ZNF680: variants seen among roughly 807,000 people sequenced by gnomAD.
ZNF680 encodes the protein zinc finger protein 680, also known as hypothetical protein FLJ90430.
ZNF680 carries 6 observed loss-of-function variants against 12.1 expected under a neutral mutation model. The ratio of observed to expected loss-of-function variants is 0.49; its 90% CI spans 0.27 to 0.98. The LOEUF (loss-of-function observed/expected upper bound fraction) is 0.98, where lower values mean the gene tolerates loss of function less well. Ranked by LOEUF, ZNF680 falls within the 50% of genes least tolerant of loss-of-function variation. The probability of loss-of-function intolerance (pLI) is 0.12; values close to 1 mark genes in which losing one functional copy is unlikely to be tolerated. For missense variants in ZNF680, 561 were observed against 616.3 expected (o/e 0.91, Z 0.95); for synonymous variants, 170 against 199.3 (o/e 0.85, Z 1.24).
chr7:64,507,136 T>C, the ZNF680 span, among the ~76,000 whole-genome samples: 1 of 152,184 alleles, frequency 6.6e-6, no homozygotes, highest in African/African-American at 2.4e-5. Context: ...ATCCCATTAT[T>C]TGAAACAAGA....
At chr7:64,552,660 T>G (rs558295460) in intron 1 of ZNF680, among the ~76,000 whole-genome samples, 2 of 152,370 alleles carry the variant, frequency 1.3e-5, no homozygotes, top group South Asian at 4.1e-4. Flanking sequence ...ATAATTTTAA[T>G]GTACTCGTCA....
At chr7:64,508,078 C>T in the ZNF680 span, among the ~76,000 whole-genome samples, 1 of 143,418 alleles carries the variant, frequency 7.0e-6, no homozygotes, top group Non-Finnish European at 1.5e-5. Flanking sequence ...ATTTCCTTCA[C>T]TTGTTAGAGA....
intron 1 of ZNF680, chr7:64,551,755 A>T (rs1427511052): frequency 3.2e-5 from 5 of 153,944 alleles, no homozygotes; most frequent in African/African-American, 1.2e-4. Flanking sequence ...AGCATTGGAG[A>T]GAAAAACAGC....
At chr7:64,541,703 T>C (rs1786511118) in intron 3 of ZNF680, among the ~76,000 whole-genome samples, 1 of 152,126 alleles carries the variant, frequency 6.6e-6, no homozygotes, top group Non-Finnish European at 1.5e-5. Context: ...CCACCAAATT[T>C]GGTCCCACTG....
In ZNF680 at chr7:64,534,388, A is replaced by G. The variant is rs187419041; in HGVS notation, c.253+9319T>C. 7.5e-4 allele frequency among the ~76,000 whole-genome samples: 114 copies of G among 152,306 alleles called. 2 individuals carry two copies. The East Asian group carries it at 0.02, about 27-fold the overall frequency. On this transcript the variant is annotated intron_variant, in intron 3 of 3. Transcript: ENST00000309683. ...ACATTTCTCAAAAGAAGATATACAA[A>G]TGGCCAACAAAAATATGAAAAAATG... is the stretch of plus-strand genomic sequence containing the variant.
the ZNF680 span, among the ~76,000 whole-genome samples, chr7:64,502,001 T>TC: frequency 2.0e-5 from 2 of 99,366 alleles, no homozygotes; most frequent in Non-Finnish European, 4.1e-5. Context: ...GTATTTCTTT[T>TC]TTTTTTTTTT....
intron 1 of ZNF680, among the ~76,000 whole-genome samples, chr7:64,554,111 C>G (rs2116538227): frequency 6.6e-6 from 1 of 151,716 alleles, no homozygotes; most frequent in African/African-American, 2.4e-5. Flanking sequence ...AGCGCCTCTT[C>G]CCGGCCGTCA....
Position 64,562,932 on chromosome 7 carries a change from A to G in ZNF680, c.23T>C (p.Leu8Pro), listed in dbSNP as rs1787826985. The G allele has an allele frequency of 6.2e-7, 1 of 1,613,650 alleles. No homozygotes were observed. Among genetic ancestry groups the G allele is most frequent in the African/African-American group, 1.3e-5 (1 of 74,980 alleles). The change falls in exon 1 of 4, where the codon CTA becomes CCA. Residue 8 changes from leucine to proline, a missense_variant. Transcript: ENST00000309683. MPGPPGS[L>P]EMGPLTFRDV... ...GTCGGACCGCACTCTCACCATTTCT[A>G]GGCTTCCAGGTGGTCCTGGCATCTT...
chr7:64,530,865 A>T (rs150921765), intron 3 of ZNF680, among the ~76,000 whole-genome samples: 9,980 of 150,272 alleles, frequency 0.066, 482 homozygotes, highest in Admixed American at 0.1. Context: ...CTCAAAAAAA[A>T]AAATTTAAAA....
At chr7:64,534,318 A>G (rs1051217708) in intron 3 of ZNF680, among the ~76,000 whole-genome samples, 8 of 152,212 alleles carry the variant, frequency 5.3e-5, no homozygotes, top group African/African-American at 1.7e-4. Flanking sequence ...TCAGCAAGAA[A>G]AAAACAAACA....
chr7:64,531,554 G>T (rs895067879), intron 3 of ZNF680, among the ~76,000 whole-genome samples: 4 of 138,146 alleles, frequency 2.9e-5, no homozygotes, highest in African/African-American at 8.3e-5. Flanking sequence ...CCAAGATCGT[G>T]CCACTGCACT....
chr7:64,505,106 G>C, the ZNF680 span, among the ~76,000 whole-genome samples: 1 of 152,160 alleles, frequency 6.6e-6, no homozygotes, highest in African/African-American at 2.4e-5. Flanking sequence ...AAAAGGTCAA[G>C]AACATAATGA....
At chr7:64,514,636 TA>T in the ZNF680 span, among the ~76,000 whole-genome samples, 7 of 152,088 alleles carry the variant, frequency 4.6e-5, no homozygotes, top group African/African-American at 1.7e-4. Flanking sequence ...CACTCATTAA[TA>T]AAACTCATAA....
chr7:64,557,240 G>C (rs2116557578), intron 1 of ZNF680, among the ~76,000 whole-genome samples: 1 of 149,640 alleles, frequency 6.7e-6, no homozygotes, highest in South Asian at 2.1e-4. Flanking sequence ...GACAGAGCGA[G>C]ACACTGTCTC....
chr7:64,500,826 T>C, the ZNF680 span: 2 of 395,142 alleles, frequency 5.1e-6, no homozygotes, highest in African/African-American at 2.1e-5. Context: ...TCAAACACAA[T>C]GGCCAGCAAT....
At chr7:64,547,438 C>T (rs1786843493) in intron 1 of ZNF680, among the ~76,000 whole-genome samples, 1 of 152,212 alleles carries the variant, frequency 6.6e-6, no homozygotes, top group Admixed American at 6.5e-5. Context: ...TGGAAAACAA[C>T]ATGTACACAT....
At chr7:64,508,969 G>A in the ZNF680 span, among the ~76,000 whole-genome samples, 29 of 152,230 alleles carry the variant, frequency 1.9e-4, no homozygotes, top group African/African-American at 6.5e-4. Context: ...TAGTAAGGGC[G>A]TTTTGTCCCC....
chr7:64,525,631 T>C (rs911588703), intron 3 of ZNF680: 5 of 416,280 alleles, frequency 1.2e-5, no homozygotes. Context: ...AATGTCAATA[T>C]AATAGGACTA....
At chr7:64,545,863 A>G (rs1786760454) in intron 1 of ZNF680, among the ~76,000 whole-genome samples, 1 of 152,196 alleles carries the variant, frequency 6.6e-6, no homozygotes, top group Non-Finnish European at 1.5e-5. Flanking sequence ...TTCTTTACTA[A>G]GGACCCCAGC....
Sources: allele counts gnomAD v4.1 joint callset (sites outside exome capture counted in the v4.1 genomes callset), GRCh38; gene constraint gnomAD v4.1.1; transcripts MANE v1.5; gene names NCBI Gene and HGNC (gene_info 2026-07-23, HGNC 2026-07-21).